The following PRUNE2 variants were observed in gnomAD, a reference collection of about 807,000 sequenced individuals.
PRUNE2 encodes the protein protein prune homolog 2.
In PRUNE2, 164 loss-of-function variants were observed where a neutral mutation model predicts 252.0. That is an observed-to-expected ratio of 0.65 (90% CI 0.57 to 0.74). The LOEUF is 0.74. Ranked by LOEUF, PRUNE2 falls within the 30% of genes least tolerant of loss-of-function variation. The probability of loss-of-function intolerance (pLI) is 0.00; values close to 1 mark genes in which losing one functional copy is unlikely to be tolerated. For synonymous variants in PRUNE2, 1,292 were observed against 1,350.2 expected (o/e 0.96, Z 0.94); for missense variants, 3,495 against 3,711.0 (o/e 0.94, Z 1.51).
intron 6 of PRUNE2, among the ~76,000 whole-genome samples, chr9:76,715,317 A>T (rs1588785585): frequency 6.6e-6 from 1 of 152,194 alleles, no homozygotes; most frequent in East Asian, 1.9e-4. Context: ...GCTGAGTTGA[A>T]TCTCAAGGTC....
intron 9 of PRUNE2, among the ~76,000 whole-genome samples, chr9:76,662,784 C>T (rs146044018): frequency 5.3e-5 from 8 of 152,116 alleles, no homozygotes; most frequent in Non-Finnish European, 7.3e-5. Flanking sequence ...AAAATACTGA[C>T]GGTTATGCTG....
intron 6 of PRUNE2, among the ~76,000 whole-genome samples, chr9:76,744,618 C>T (rs180905254): frequency 1.3e-5 from 2 of 152,266 alleles, no homozygotes; most frequent in Admixed American, 6.5e-5. Flanking sequence ...CAAAGGCATA[C>T]CCTTCTATCA....
chr9:76,899,705 A>C (rs933676286), intron 1 of PRUNE2, among the ~76,000 whole-genome samples: 1 of 152,232 alleles, frequency 6.6e-6, no homozygotes, highest in Admixed American at 6.5e-5. Context: ...CATTAATCGA[A>C]CAAACATGCC....
chr9:76,668,918 G>T (rs1481531907), intron 9 of PRUNE2, among the ~76,000 whole-genome samples: 1 of 150,242 alleles, frequency 6.7e-6, no homozygotes, highest in Non-Finnish European at 1.5e-5. Flanking sequence ...TGTCATCAGG[G>T]TTGGTTTCTT....
Position 76,826,643 on chromosome 9 carries a change from G to C in PRUNE2, c.598C>G (p.Pro200Ala). ...ATGTCCTCTCTTGGAGGCAAGTTAGGAAATTTTTCTTCCAGGATAGAAAGA... is the reference window on the plus strand; with the variant it reads ...ATGTCCTCTCTTGGAGGCAAGTTAGCAAATTTTTCTTCCAGGATAGAAAGA... The part of the protein sequence containing the change: ...EILSILEEKF[P>A]NLPPREDIIN... The change falls in exon 5 of 19, where the codon CCT (proline) becomes GCT (alanine). Residue 200 changes from proline to alanine, a missense_variant. By Grantham distance (27) the Pro-to-Ala change is conservative (BLOSUM62 -1). Coordinates refer to ENST00000376718, the MANE Select transcript of PRUNE2 (RefSeq NM_015225.3). 1.2e-6 allele frequency: 2 copies of C among 1,613,042 alleles called. No individual in the cohort carries two copies. Among genetic ancestry groups the C allele is most frequent in the South Asian group, 2.2e-5 (2 of 90,782 alleles).
intron 6 of PRUNE2, among the ~76,000 whole-genome samples, chr9:76,718,729 C>A (rs182195051): frequency 1.0e-3 from 156 of 152,178 alleles, no homozygotes; most frequent in African/African-American, 3.6e-3. Flanking sequence ...GGCTTTAAAA[C>A]CATTTGTCTG....
chr9:76,654,623 C>T (rs1424540467), intron 10 of PRUNE2, among the ~76,000 whole-genome samples: 2 of 152,172 alleles, frequency 1.3e-5, no homozygotes, highest in Non-Finnish European at 2.9e-5. Context: ...TAGCTGCTTA[C>T]CATATCAGAT....
chr9:76,781,148 T>C (rs914918543), intron 6 of PRUNE2, among the ~76,000 whole-genome samples: 2 of 152,136 alleles, frequency 1.3e-5, no homozygotes, highest in Non-Finnish European at 2.9e-5. Flanking sequence ...TGGTCACCTC[T>C]CCCATGGTCT....
At position 76,703,958 on chromosome 9, in the gene PRUNE2, A is replaced by C. The variant is rs373284279; in HGVS notation, c.7655T>G (p.Leu2552Arg). The C allele has an allele frequency of 8.4e-5, 135 of 1,613,820 alleles. No homozygotes were observed. The highest frequency in any genetic ancestry group is 4.9e-4 in the Middle Eastern group (3 of 6,084). The change falls in exon 9 of 19, where the codon CTT becomes CGT. Residue 2552 changes from leucine (L) to arginine (R), a missense_variant. By Grantham distance (102) the Leu-to-Arg change is moderately radical. Transcript: ENST00000376718. ...GTGTGAATTTTCTTCACGGTTTACA[A>C]GTATGTAATCCATGTGTAGTGCATG... ...DRHALHMDYI[L>R]VNREENSHSK...
chr9:76,803,376 G>A (rs2056698717), intron 6 of PRUNE2, among the ~76,000 whole-genome samples: 1 of 152,130 alleles, frequency 6.6e-6, no homozygotes, highest in South Asian at 2.1e-4. Flanking sequence ...TTCTCTATAG[G>A]ACATATACAG....
chr9:76,843,390 G>C lies in PRUNE2; in HGVS notation c.508+3125C>G, dbSNP rs181569368. Among the ~76,000 whole-genome samples, 306 of 152,266 alleles carry C rather than the reference G, an allele frequency of 2.0e-3. 1 individual carries two copies. Among genetic ancestry groups the C allele is most frequent in the Middle Eastern group, 0.01 (3 of 294 alleles). Reference sequence around the variant, plus strand: ...TAATGTAGGTGATGGATTGATGGGTGCAGCAAACCACCATGGCACGTGTAT... The same window carrying C: ...TAATGTAGGTGATGGATTGATGGGTCCAGCAAACCACCATGGCACGTGTAT... On this transcript the variant is annotated intron_variant, in intron 4 of 18. Transcript: ENST00000376718.
intron 6 of PRUNE2, chr9:76,788,262 A>G (rs1564306575): frequency 3.5e-6 from 2 of 572,318 alleles, no homozygotes; most frequent in Non-Finnish European, 3.1e-6. Context: ...CAACCATCAG[A>G]TGTTAACTCA....
chr9:76,858,463 A>G (rs1564452777), intron 1 of PRUNE2, among the ~76,000 whole-genome samples: 1 of 152,306 alleles, frequency 6.6e-6, no homozygotes, highest in African/African-American at 2.4e-5. Context: ...TTGCAGGGAC[A>G]TGGATGAAGC....
chr9:76,827,899 G>C (rs1326964492), intron 4 of PRUNE2, among the ~76,000 whole-genome samples: 4 of 152,212 alleles, frequency 2.6e-5, no homozygotes, highest in Non-Finnish European at 4.4e-5. Flanking sequence ...ATAAAGAAAA[G>C]TAAATATTGC....
chr9:76,888,576 CAATAAT>C (rs1437950490), intron 1 of PRUNE2, among the ~76,000 whole-genome samples: 1 of 137,302 alleles, frequency 7.3e-6, no homozygotes, highest in East Asian at 2.1e-4. Flanking sequence ...GACTCCATCT[CAATAAT>C]AATAATAATA....
chr9:76,811,591 A>C (rs987202989), intron 6 of PRUNE2, among the ~76,000 whole-genome samples: 1 of 152,212 alleles, frequency 6.6e-6, no homozygotes, highest in Non-Finnish European at 1.5e-5. Context: ...TTCCTTCATG[A>C]GTAAAAGGCC....
At chr9:76,657,503 T>C (rs902406719) in intron 9 of PRUNE2, among the ~76,000 whole-genome samples, 8 of 152,240 alleles carry the variant, frequency 5.3e-5, no homozygotes, top group Admixed American at 5.2e-4. Context: ...CATGGAATAA[T>C]TGCAGGAGTC....
chr9:76,757,131 C>T (rs955786081), intron 6 of PRUNE2, among the ~76,000 whole-genome samples: 3 of 152,202 alleles, frequency 2.0e-5, no homozygotes, highest in African/African-American at 7.2e-5. Context: ...TACAATTCTG[C>T]ATTTACAGGA....
At chr9:76,845,208 A>T (rs1436923912) in intron 4 of PRUNE2, among the ~76,000 whole-genome samples, 1 of 152,106 alleles carries the variant, frequency 6.6e-6, no homozygotes, top group Non-Finnish European at 1.5e-5. Flanking sequence ...TATTTGTTTC[A>T]TATTATTTTA....
Sources: allele counts gnomAD v4.1 joint callset (sites outside exome capture counted in the v4.1 genomes callset), GRCh38; gene constraint gnomAD v4.1.1; transcripts MANE v1.5; gene names NCBI Gene and HGNC (gene_info 2026-07-23, HGNC 2026-07-21).